HS6ST3: variants seen among roughly 807,000 people sequenced by gnomAD.
HS6ST3 encodes heparan sulfate 6-O-sulfotransferase 3, also known as heparan-sulfate 6-O-sulfotransferase 3.
HS6ST3 carries 12 observed loss-of-function variants against 36.7 expected under a neutral mutation model. That is an observed-to-expected ratio of 0.33 (90% CI 0.21 to 0.53). HS6ST3 has a LOEUF of 0.53. Among genes scored for constraint, HS6ST3 ranks in the 20% least tolerant of loss-of-function variants. The pLI is 0.95. For synonymous variants in HS6ST3, 240 were observed against 257.5 expected, an observed-to-expected ratio of 0.93 and a Z score of 0.65; for missense variants, 584 against 640.9, an observed-to-expected ratio of 0.91 and a Z score of 0.96.
intron 1 of HS6ST3, among the ~76,000 whole-genome samples, chr13:96,564,201 T>C (rs1432866165): frequency 6.6e-6 from 1 of 152,236 alleles, no homozygotes; most frequent in Non-Finnish European, 1.5e-5. Flanking sequence ...CTGATGCGTT[T>C]TGTAGAACTT....
At chr13:96,112,580 T>TATACATATAC in intron 1 of HS6ST3, among the ~76,000 whole-genome samples, 1 of 33,742 alleles carries the variant, frequency 3.0e-5, no homozygotes, top group East Asian at 9.2e-4. Flanking sequence ...AATAAATAAA[T>TATACATATAC]ATATATATAT....
rs1228514378 is a variant in HS6ST3 at position 96,658,186 on chromosome 13, G to A, written c.708-174304G>A. Among the ~76,000 whole-genome samples, 4 of 149,958 alleles carry A rather than the reference G, an allele frequency of 2.7e-5. No homozygotes were observed. In the East Asian group the frequency reaches 8.0e-4, roughly 30 times the overall value. Reference sequence around the variant, plus strand: ...ATTCACATTGTTGCATGTATTATTAGCTTGTTGATTTTTTATTGCTATGTA... The same window carrying A: ...ATTCACATTGTTGCATGTATTATTAACTTGTTGATTTTTTATTGCTATGTA... On this transcript the variant is annotated intron_variant, in intron 1 of 1. Coordinates refer to ENST00000376705, the MANE Select transcript of HS6ST3 (RefSeq NM_153456.4).
intron 1 of HS6ST3, among the ~76,000 whole-genome samples, chr13:96,385,228 T>C (rs2055361880): frequency 6.6e-6 from 1 of 151,890 alleles, no homozygotes; most frequent in Non-Finnish European, 1.5e-5. Context: ...AAATAAGTTT[T>C]CCAAGTGGAG....
At chr13:96,118,643 AAG>A (rs1566886386) in intron 1 of HS6ST3, among the ~76,000 whole-genome samples, 12 of 67,962 alleles carry the variant, frequency 1.8e-4, no homozygotes, top group Middle Eastern at 6.6e-3. Flanking sequence ...AAGAACATTA[AAG>A]ATATATATAT....
chr13:96,719,285 A>C (rs910504516), intron 1 of HS6ST3, among the ~76,000 whole-genome samples: 1 of 151,874 alleles, frequency 6.6e-6, no homozygotes, highest in Non-Finnish European at 1.5e-5. Context: ...AAAAAAAAAA[A>C]ACCAAAAAAA....
At chr13:96,305,614 AT>A in intron 1 of HS6ST3, among the ~76,000 whole-genome samples, 1 of 152,296 alleles carries the variant, frequency 6.6e-6, no homozygotes, top group African/African-American at 2.4e-5. Flanking sequence ...TATGTGACTA[AT>A]TTTAGAATCT....
chr13:96,432,492 AGGGGT>A (rs1158101809), intron 1 of HS6ST3, among the ~76,000 whole-genome samples: 1 of 152,202 alleles, frequency 6.6e-6, no homozygotes, highest in Non-Finnish European at 1.5e-5. Context: ...ATTGGCCAAA[AGGGGT>A]CCCATATCAC....
At chr13:96,545,235 A>G (rs1028275102) in intron 1 of HS6ST3, among the ~76,000 whole-genome samples, 14 of 152,158 alleles carry the variant, frequency 9.2e-5, no homozygotes, top group African/African-American at 3.4e-4. Flanking sequence ...CGTAAGTTTG[A>G]TAACTCAGCT....
chr13:96,745,594 G>C (rs1005127232), intron 1 of HS6ST3, among the ~76,000 whole-genome samples: 5 of 152,086 alleles, frequency 3.3e-5, no homozygotes, highest in African/African-American at 1.2e-4. Flanking sequence ...CATTGAAATT[G>C]GTTTGGTCAT....
intron 1 of HS6ST3, among the ~76,000 whole-genome samples, 185 bp from the exon 2 acceptor site, chr13:96,832,305 A>G (rs1878817939): frequency 1.3e-5 from 2 of 152,204 alleles, no homozygotes; most frequent in Admixed American, 1.3e-4. Flanking sequence ...AGTATTGAAA[A>G]TTGGTACATA....
intron 1 of HS6ST3, among the ~76,000 whole-genome samples, chr13:96,539,897 TA>T (rs2056171278): frequency 6.6e-6 from 1 of 152,172 alleles, no homozygotes; most frequent in Non-Finnish European, 1.5e-5. Context: ...GCCCATGCAA[TA>T]AATGTGCCTG....
intron 1 of HS6ST3, among the ~76,000 whole-genome samples, chr13:96,370,664 C>A (rs577335573): frequency 6.6e-6 from 1 of 152,284 alleles, no homozygotes; most frequent in East Asian, 1.9e-4. Context: ...GTAATCCCAG[C>A]AATTTGGGAG....
At chr13:96,729,391 G>A (rs1046668182) in intron 1 of HS6ST3, among the ~76,000 whole-genome samples, 4 of 152,242 alleles carry the variant, frequency 2.6e-5, no homozygotes, top group Admixed American at 1.3e-4. Flanking sequence ...CTAAAAGCAG[G>A]ATGATGGAGC....
At chr13:96,521,145 A>G (rs1259658577) in intron 1 of HS6ST3, among the ~76,000 whole-genome samples, 2 of 152,302 alleles carry the variant, frequency 1.3e-5, no homozygotes, top group African/African-American at 4.8e-5. Context: ...TATGTGATGA[A>G]TTATGTTTAT....
chr13:96,374,796 A>G (rs1230340199), intron 1 of HS6ST3, among the ~76,000 whole-genome samples: 3 of 152,150 alleles, frequency 2.0e-5, no homozygotes, highest in Non-Finnish European at 2.9e-5. Context: ...ATCAATATCT[A>G]TAAAACAAGG....
chr13:96,516,920 G>A (rs561807180), intron 1 of HS6ST3, among the ~76,000 whole-genome samples: 24 of 152,110 alleles, frequency 1.6e-4, no homozygotes, highest in Non-Finnish European at 2.9e-4. Context: ...TCAGAGCTAC[G>A]GTGAGGTTCA....
chr13:96,400,155 T>TCA (rs55957302), intron 1 of HS6ST3, among the ~76,000 whole-genome samples: 4,792 of 145,412 alleles, frequency 0.033, 93 homozygotes, highest in African/African-American at 0.038. Context: ...AGTGCTGAAA[T>TCA]CACACACACA....
chr13:96,373,793 A>G (rs916031347), intron 1 of HS6ST3, among the ~76,000 whole-genome samples: 2 of 152,204 alleles, frequency 1.3e-5, no homozygotes, highest in African/African-American at 4.8e-5. Context: ...TCCCAATGTA[A>G]TCCCAGGGGT....
chr13:96,806,297 C>G (rs1489007085), intron 1 of HS6ST3, among the ~76,000 whole-genome samples: 2 of 152,170 alleles, frequency 1.3e-5, no homozygotes, highest in African/African-American at 2.4e-5. Flanking sequence ...TATTCATGCT[C>G]TCATAGAAAT....
Sources: allele counts gnomAD v4.1 joint callset (sites outside exome capture counted in the v4.1 genomes callset), GRCh38; gene constraint gnomAD v4.1.1; transcripts MANE v1.5; gene names NCBI Gene and HGNC (gene_info 2026-07-23, HGNC 2026-07-21).